TSPAN31: variants seen among roughly 807,000 people sequenced by gnomAD.
TSPAN31 encodes the protein tetraspanin-31.
In TSPAN31, 16 loss-of-function variants were observed where a neutral mutation model predicts 24.8. The ratio of observed to expected loss-of-function variants is 0.64; its 90% CI spans 0.44 to 0.98. TSPAN31 has a LOEUF of 0.98. TSPAN31 is among the 50% of genes least tolerant of loss of function. The probability of loss-of-function intolerance (pLI) is 0.00; values close to 1 mark genes in which losing one functional copy is unlikely to be tolerated. For missense variants in TSPAN31, 209 were observed against 251.6 expected (o/e 0.83, Z 1.15); for synonymous variants, 87 against 91.4 (o/e 0.95, Z 0.27).
In TSPAN31 at chr12:57,747,293, C is replaced by T. The variant is rs1224839356; in HGVS notation, c.*3C>T. 5 of 1,613,612 alleles carry T rather than the reference C, an allele frequency of 3.1e-6. No homozygotes were observed. In the African/African-American group the frequency reaches 5.3e-5, roughly 17 times the overall value. On this transcript the variant is annotated 3_prime_UTR_variant, in exon 6 of 6. Coordinates refer to ENST00000257910, the MANE Select transcript of TSPAN31 (RefSeq NM_005981.5). ...CCAACCCCAGTGCCTTTCTATGAGA[C>T]TTTGGATCCTTCTGACTTTTCTTCT...
In TSPAN31 at chr12:57,747,125, TAC is replaced by T; in HGVS notation, c.554_555del (p.Thr185ArgfsTer18). The T allele has an allele frequency of 1.2e-6, 2 of 1,614,090 alleles. No individual in the cohort carries two copies. Among genetic ancestry groups the T allele is most frequent in the East Asian group, 2.2e-5 (1 of 44,882 alleles). On this transcript the variant is annotated frameshift_variant, in exon 5 of 6. Coordinates refer to ENST00000257910, the MANE Select transcript of TSPAN31 (RefSeq NM_005981.5). LOFTEE classifies it high-confidence loss of function. Reference protein sequence around the residue: ...LGGVGLFFSFTEILGVWLAMR... With the variant: ...LGGVGLFFSFXEILGVWLAMR... The stretch of plus-strand genomic sequence containing the variant: ...GGGGTGTTGGACTCTTCTTTAGCTT[TAC>T]AGAGGTAACATTCTCCAGTTCCCTC...
Position 57,745,816 on chromosome 12 carries a change from C to T in TSPAN31, c.135C>T (p.Ile45=), listed in dbSNP as rs1333754887. Reference sequence around the variant, plus strand: ...TGGGTCTGGTGTCCAGCATCCACATCATCGGCGGAGTCATTGCTGTGGGAG... The same window carrying T: ...TGGGTCTGGTGTCCAGCATCCACATTATCGGCGGAGTCATTGCTGTGGGAG... ...KGLGLVSSIH[I]IGGVIAVGVF... The change falls in exon 2 of 6, where the codon ATC becomes ATT. Residue 45 remains isoleucine, a synonymous_variant. Coordinates refer to ENST00000257910, the MANE Select transcript of TSPAN31 (RefSeq NM_005981.5). The T allele has an allele frequency of 1.2e-6, 2 of 1,613,994 alleles. No homozygotes were observed. Among genetic ancestry groups the T allele is most frequent in the African/African-American group, 2.7e-5 (2 of 74,918 alleles).
Position 57,748,375 on chromosome 12 carries a change from A to G in TSPAN31, c.*1085A>G, listed in dbSNP as rs1246031626. The G allele has an allele frequency of 1.5e-5, 11 of 733,190 alleles. No homozygotes were observed. Among genetic ancestry groups the G allele is most frequent in the Admixed American group, 1.0e-4 (6 of 57,174 alleles). 45.4% of individuals were successfully genotyped at this position (733,190 alleles called of 1,614,324 possible). On this transcript the variant is annotated 3_prime_UTR_variant, in exon 6 of 6. Coordinates refer to ENST00000257910, the MANE Select transcript of TSPAN31 (RefSeq NM_005981.5). ...GAGAAGCCTCAAAAGGAGAGGTGGG[A>G]GGGGAATGTCATTAAGGCAGCAAAG...
chr12:57,745,900 C>T lies in TSPAN31; in HGVS notation c.219C>T (p.Val73=), dbSNP rs1955142306. The change falls in exon 2 of 6, where the codon GTC becomes GTT. Residue 73 remains valine, a synonymous_variant. Transcript: ENST00000257910. ...TGGGTGCTGTCAACCACCACCAAGT[C>T]CTGCTGTTCTTTGTATCCTGACCTG... is the stretch of plus-strand genomic sequence containing the variant. The part of the protein sequence containing the change: ...GLVGAVNHHQ[V]LLFFYMIILG... 1 of 1,605,130 alleles carries T rather than the reference C, an allele frequency of 6.2e-7. No individual in the cohort carries two copies. Among genetic ancestry groups the T allele is most frequent in the East Asian group, 2.2e-5 (1 of 44,804 alleles).
rs535880506 is a variant in TSPAN31 at position 57,747,454 on chromosome 12, T to G, written c.*164T>G. Reference sequence around the variant, plus strand: ...AGCAAGACTTTATGCCTTGACATATTTTAGTGGGAGCCAGACTATAAGGAA... The same window carrying G: ...AGCAAGACTTTATGCCTTGACATATGTTAGTGGGAGCCAGACTATAAGGAA... On this transcript the variant is annotated 3_prime_UTR_variant, in exon 6 of 6. Transcript: ENST00000257910. 1.6e-6 allele frequency: 1 copy of G among 622,092 alleles called. No homozygotes were observed. The highest frequency in any genetic ancestry group is 1.8e-5 in the African/African-American group (1 of 54,322). 38.5% of individuals were successfully genotyped at this position (622,092 alleles called of 1,614,324 possible). A position where few individuals can be genotyped will look rare whatever the true frequency, so the allele number is the denominator to read the frequency against.
Position 57,745,144 on chromosome 12 carries a change from G to C in TSPAN31, c.-11G>C. 6.3e-7 allele frequency: 1 copy of C among 1,599,072 alleles called. No homozygotes were observed. The highest frequency in any genetic ancestry group is 8.5e-7 in the Non-Finnish European group (1 of 1,172,238). ...GTCCTTGGGACCACTTGGGTCCCCA[G>C]AGCTGGGGAGATGGTTTGTGGCGGC... On this transcript the variant is annotated 5_prime_UTR_variant, in exon 1 of 6. Coordinates refer to ENST00000257910, the MANE Select transcript of TSPAN31 (RefSeq NM_005981.5).
chr12:57,749,238 G>A lies in TSPAN31; in HGVS notation c.*1948G>A, dbSNP rs587778188. On this transcript the variant is annotated 3_prime_UTR_variant, in exon 6 of 6. Transcript: ENST00000257910. ...TCAGGTACCACCGACTGCACTGGGC[G>A]GGGCCCTCTGGGGGGAAAGGCTCCA... 2.2e-5 allele frequency: 35 copies of A among 1,614,022 alleles called. No individual in the cohort carries two copies. The East Asian group carries it at 5.8e-4, about 27-fold the overall frequency.
intron 3 of TSPAN31, 88 bp from the exon 4 acceptor site, chr12:57,746,501 C>T: frequency 8.5e-6 from 13 of 1,523,634 alleles, no homozygotes; most frequent in Non-Finnish European, 1.1e-5. Context: ...TTCTGTTTGA[C>T]TTCCTTTGCT....
chr12:57,749,360 TC>T lies in TSPAN31; in HGVS notation c.*2073del. 1.2e-6 allele frequency: 2 copies of T among 1,613,926 alleles called. No individual in the cohort carries two copies. Among genetic ancestry groups the T allele is most frequent in the East Asian group, 2.2e-5 (1 of 44,880 alleles). On this transcript the variant is annotated 3_prime_UTR_variant, in exon 6 of 6. Coordinates refer to ENST00000257910, the MANE Select transcript of TSPAN31 (RefSeq NM_005981.5). The stretch of plus-strand genomic sequence containing the variant: ...ACTCTGGTCAGGAGGGTCCTCCAGT[TC>T]CCATCCCCATGGGCAGAGCCAGTTG...
Position 57,748,972 on chromosome 12 carries a change from C to T in TSPAN31, c.*1682C>T, listed in dbSNP as rs1042439395. The T allele has an allele frequency of 1.8e-5, 12 of 656,500 alleles. No individual in the cohort carries two copies. The highest frequency in any genetic ancestry group is 3.1e-5 in the Non-Finnish European group (12 of 381,118). The allele number at this position is 656,500 out of a possible 1,614,324, so 40.7% of individuals were successfully genotyped here. ...ACGCCCACCTTGGCCTCCCAAAGTG[C>T]TGGGATTACAGGCGTGAGCCACCGT... On this transcript the variant is annotated 3_prime_UTR_variant, in exon 6 of 6. Transcript: ENST00000257910.
Position 57,749,939 on chromosome 12 carries a change from G to T in TSPAN31, c.*2649G>T, listed in dbSNP as rs1264265441. The T allele has an allele frequency of 4.2e-5, 11 of 261,642 alleles. No homozygotes were observed. Among genetic ancestry groups the T allele is most frequent in the Non-Finnish European group, 8.2e-5 (11 of 133,990 alleles). 16.2% of individuals were successfully genotyped at this position (261,642 alleles called of 1,614,324 possible). On this transcript the variant is annotated 3_prime_UTR_variant, in exon 6 of 6. Coordinates refer to ENST00000257910, the MANE Select transcript of TSPAN31 (RefSeq NM_005981.5). ...TTGAATCTGGGAGGTGGAGGTTGCAGTGAGCAGAGATCGCACTACTGCACT... is the reference window on the plus strand; with the variant it reads ...TTGAATCTGGGAGGTGGAGGTTGCATTGAGCAGAGATCGCACTACTGCACT...
In TSPAN31 at chr12:57,747,747, CTTT is replaced by C. The variant is rs146863045; in HGVS notation, c.*468_*470del. 2.0e-4 allele frequency: 31 copies of C among 151,336 alleles called. No homozygotes were observed. Among genetic ancestry groups the C allele is most frequent in the Admixed American group, 5.3e-4 (8 of 15,054 alleles). The allele number at this position is 151,336 out of a possible 1,614,324, so 9.4% of individuals were successfully genotyped here. A position where few individuals can be genotyped will look rare whatever the true frequency, so the allele number is the denominator to read the frequency against. On this transcript the variant is annotated 3_prime_UTR_variant, in exon 6 of 6. Coordinates refer to ENST00000257910, the MANE Select transcript of TSPAN31 (RefSeq NM_005981.5). The stretch of plus-strand genomic sequence containing the variant: ...TAAAAGCCATTTAAAAATCTATATT[CTTT>C]TTTTTTTTTTGACACAGAGTCTTGC...
chr12:57,746,484 G>A lies in TSPAN31; in HGVS notation c.313-105G>A, dbSNP rs947248439. ...ATCGTGTCTATAATTGTTGCACACCGTTATGCTTCTGTTTGACTTCCTTTG... is the reference window on the plus strand; with the variant it reads ...ATCGTGTCTATAATTGTTGCACACCATTATGCTTCTGTTTGACTTCCTTTG... On this transcript the variant is annotated intron_variant, in intron 3 of 5. Coordinates refer to ENST00000257910, the MANE Select transcript of TSPAN31 (RefSeq NM_005981.5). 18 of 1,409,236 alleles carry A rather than the reference G, an allele frequency of 1.3e-5. No individual in the cohort carries two copies. In the African/African-American group the frequency reaches 1.7e-4, roughly 13 times the overall value. The allele number at this position is 1,409,236 out of a possible 1,614,324, so 87.3% of individuals were successfully genotyped here. A position where few individuals can be genotyped will look rare whatever the true frequency, so the allele number is the denominator to read the frequency against.
chr12:57,745,437 G>A, intron 1 of TSPAN31: 1 of 618,568 alleles, frequency 1.6e-6, no homozygotes, highest in Admixed American at 3.0e-5. Flanking sequence ...GAAGGCCGTG[G>A]GCGTAAGTTC....
In TSPAN31 at chr12:57,745,087, C is replaced by G. The variant is rs924517529; in HGVS notation, c.-68C>G. ...TAAAGAGACAGAAGCTGTCGGGGTC[C>G]TGGAAGACGGTCCCCAATACCCTCC... On this transcript the variant is annotated 5_prime_UTR_variant, in exon 1 of 6. Transcript: ENST00000257910. 7 of 1,460,960 alleles carry G rather than the reference C, an allele frequency of 4.8e-6. No homozygotes were observed. The African/African-American group carries it at 7.0e-5, about 15-fold the overall frequency. 90.5% of individuals were successfully genotyped at this position (1,460,960 alleles called of 1,614,324 possible). A position where few individuals can be genotyped will look rare whatever the true frequency, so the allele number is the denominator to read the frequency against.
At position 57,748,986 on chromosome 12, in the gene TSPAN31, G is replaced by A. The variant is rs538041695; in HGVS notation, c.*1696G>A. 1.5e-5 allele frequency: 11 copies of A among 712,048 alleles called. No individual in the cohort carries two copies. The highest frequency in any genetic ancestry group is 5.5e-5 in the East Asian group (2 of 36,622). 44.1% of individuals were successfully genotyped at this position (712,048 alleles called of 1,614,324 possible). ...CTCCCAAAGTGCTGGGATTACAGGC[G>A]TGAGCCACCGTGCCCAGCCAGGATG... On this transcript the variant is annotated 3_prime_UTR_variant, in exon 6 of 6. Coordinates refer to ENST00000257910, the MANE Select transcript of TSPAN31 (RefSeq NM_005981.5).
intron 4 of TSPAN31, 106 bp downstream of exon 4, chr12:57,746,826 C>T: frequency 6.5e-7 from 1 of 1,530,352 alleles, no homozygotes; most frequent in Non-Finnish European, 9.0e-7. Flanking sequence ...TCTCTCTCTA[C>T]AAGCCCTCTT....
chr12:57,747,249 A>C lies in TSPAN31; in HGVS notation c.592A>C (p.Asn198His), dbSNP rs566664429. The C allele has an allele frequency of 6.2e-7, 1 of 1,614,154 alleles. No individual in the cohort carries two copies. The highest frequency in any genetic ancestry group is 1.1e-5 in the South Asian group (1 of 91,086). Residue 198 changes from asparagine to histidine, a missense_variant, in exon 6 of 6, where the codon AAT becomes CAT. Coordinates refer to ENST00000257910, the MANE Select transcript of TSPAN31 (RefSeq NM_005981.5). ...TGTTTGGCTAGCAATGAGATTTCGG[A>C]ATCAGAAGGATCCTAGAGCCAACCC... The part of the protein sequence containing the change: ...LGVWLAMRFR[N>H]QKDPRANPSA...
At position 57,749,027 on chromosome 12, in the gene TSPAN31, CCTT is replaced by C. The variant is rs1348286314; in HGVS notation, c.*1740_*1742del. ...AGCCAGGATGGGTTCTCTTCTATATCCTTCTCTGTGGGTGGCTATTTGCAGCTG... is the reference window on the plus strand; with the variant it reads ...AGCCAGGATGGGTTCTCTTCTATATCCTCTGTGGGTGGCTATTTGCAGCTG... On this transcript the variant is annotated 3_prime_UTR_variant, in exon 6 of 6. Transcript: ENST00000257910. 2.1e-5 allele frequency: 21 copies of C among 983,950 alleles called. No homozygotes were observed. The highest frequency in any genetic ancestry group is 7.6e-5 in the Admixed American group (4 of 52,606). The allele number at this position is 983,950 out of a possible 1,614,324, so 61.0% of individuals were successfully genotyped here.
Sources: gnomAD v4.1 joint callset for allele counts on GRCh38, gnomAD v4.1.1 for gene constraint, MANE v1.5 for transcripts, NCBI Gene and HGNC (gene_info 2026-07-23, HGNC 2026-07-21) for gene names.